DST: variants seen among roughly 807,000 people sequenced by gnomAD.
DST encodes the protein bullous pemphigoid antigen.
In DST, 253 loss-of-function variants were observed where a neutral mutation model predicts 875.2. The ratio of observed to expected loss-of-function variants is 0.29; its 90% CI spans 0.26 to 0.32. The LOEUF is 0.32. DST is among the 10% of genes least tolerant of loss of function. The pLI, the probability that DST is intolerant of heterozygous loss-of-function variation, is 1.00. For synonymous variants in DST, 3,124 were observed against 3,197.1 expected (o/e 0.98, Z 0.77); for missense variants, 8,287 against 9,111.6 (o/e 0.91, Z 3.68).
At chr6:56,668,078 G>A (rs1276330634) in intron 10 of DST, among the ~76,000 whole-genome samples, 3 of 152,172 alleles carry the variant, frequency 2.0e-5, no homozygotes, top group Middle Eastern at 3.4e-3. Context: ...TTTTGCTTCT[G>A]CCTAAAAAAC....
Position 56,703,742 on chromosome 6 carries a change from C to G in DST, c.782G>C (p.Arg261Thr), listed in dbSNP as rs1392342861. The G allele has an allele frequency of 1.0e-6, 1 of 983,154 alleles. No individual in the cohort carries two copies. Among genetic ancestry groups the G allele is most frequent in the South Asian group, 4.7e-5 (1 of 21,244 alleles). 60.9% of individuals were successfully genotyped at this position (983,154 alleles called of 1,614,324 possible). A position where few individuals can be genotyped will look rare whatever the true frequency, so the allele number is the denominator to read the frequency against. The change falls in exon 7 of 104, where the codon AGG becomes ACG. Residue 261 changes from arginine to threonine, a missense_variant. By Grantham distance (71) the Arg-to-Thr change is moderately conservative. This residue lies in a region of DST where 1,160 missense variants were observed against 1,424.3 expected (regional missense o/e 0.81). Transcript: ENST00000680361. ...LEVLSGDTLP[R>T]ERDFLKTLRL... Reference sequence around the variant, plus strand: ...TAAGGTCTTCAAAAAATCTCGCTCCCTTGGCTAATGAATATAACAGACAGA... The same window carrying G: ...TAAGGTCTTCAAAAAATCTCGCTCCGTTGGCTAATGAATATAACAGACAGA...
At chr6:56,470,781 A>AACACACACACACACACACAC (rs67009040) in intron 95 of DST, among the ~76,000 whole-genome samples, 1 of 141,450 alleles carries the variant, frequency 7.1e-6, no homozygotes, top group African/African-American at 2.6e-5. Context: ...TATGCCAGGC[A>AACACACACACACACACACAC]ACACACACAC....
intron 4 of DST, among the ~76,000 whole-genome samples, chr6:56,782,838 C>T (rs1282936730): frequency 6.6e-6 from 1 of 152,022 alleles, no homozygotes; most frequent in Non-Finnish European, 1.5e-5. Flanking sequence ...TTGGATCTTT[C>T]CTGCTTTCTC....
chr6:56,618,165 C>T, intron 36 of DST: 1 of 1,614,154 alleles, frequency 6.2e-7, no homozygotes. Flanking sequence ...GAAAAGTACT[C>T]AGAGTAACAC....
chr6:56,615,146 A>T, intron 36 of DST: 1 of 1,080,416 alleles, frequency 9.3e-7, no homozygotes. Flanking sequence ...GTGCTCTTTC[A>T]GCGAGTGCAA....
At chr6:56,700,552 TAA>T (rs1197610214) in intron 8 of DST, among the ~76,000 whole-genome samples, 2 of 152,200 alleles carry the variant, frequency 1.3e-5, no homozygotes, top group African/African-American at 2.4e-5. Context: ...CATAAATATA[TAA>T]GTCACTGGGC....
chr6:56,509,578 G>C (rs1255445810), intron 74 of DST, 64 bp downstream of exon 74: 6 of 1,254,676 alleles, frequency 4.8e-6, no homozygotes, highest in Non-Finnish European at 6.8e-6. Flanking sequence ...CAATTGGACG[G>C]TGAGTAAACC....
intron 55 of DST, among the ~76,000 whole-genome samples, chr6:56,565,331 C>T (rs183762337): frequency 1.3e-5 from 2 of 152,044 alleles, no homozygotes; most frequent in African/African-American, 4.8e-5. Flanking sequence ...GTGTTAACCA[C>T]GATGGTCTCA....
At chr6:56,672,089 A>T (rs1277539866) in intron 9 of DST, among the ~76,000 whole-genome samples, 1 of 152,218 alleles carries the variant, frequency 6.6e-6, no homozygotes, top group Non-Finnish European at 1.5e-5. Context: ...AACTCCAAAG[A>T]AAACCTGTTA....
intron 4 of DST, among the ~76,000 whole-genome samples, chr6:56,769,235 G>A (rs1453170533): frequency 6.6e-6 from 1 of 152,076 alleles, no homozygotes; most frequent in Non-Finnish European, 1.5e-5. Context: ...TTAAAACAAC[G>A]TGAGACACCA....
chr6:56,469,409 G>A (rs1329260830), intron 97 of DST, among the ~76,000 whole-genome samples: 1 of 151,512 alleles, frequency 6.6e-6, no homozygotes. Context: ...CTGTTTTGAA[G>A]AGAGTGAACC....
intron 5 of DST, among the ~76,000 whole-genome samples, chr6:56,728,794 T>G (rs2099482866): frequency 6.6e-6 from 1 of 152,000 alleles, no homozygotes; most frequent in African/African-American, 2.4e-5. Context: ...ATGTAAAAGA[T>G]CAACAAACAA....
At chr6:56,945,026 C>A (rs1162283202) in intron 2 of DST, among the ~76,000 whole-genome samples, 2 of 152,126 alleles carry the variant, frequency 1.3e-5, no homozygotes, top group East Asian at 1.9e-4. Flanking sequence ...CAAGATTATC[C>A]CAAATATACT....
At chr6:56,698,614 C>T (rs147002872) in intron 9 of DST, among the ~76,000 whole-genome samples, 6,892 of 152,252 alleles carry the variant, frequency 0.045, 230 homozygotes, top group Non-Finnish European at 0.066. Context: ...CGTGAGCCAC[C>T]GCGCCCAGCC....
chr6:56,791,690 T>G (rs546917971), intron 4 of DST, among the ~76,000 whole-genome samples: 18 of 149,770 alleles, frequency 1.2e-4, no homozygotes, highest in African/African-American at 4.2e-4. Flanking sequence ...GAGGCTGAGG[T>G]AGGAGGATCA....
chr6:56,916,739 TTCTC>T (rs1311090161), intron 2 of DST, among the ~76,000 whole-genome samples: 12 of 111,480 alleles, frequency 1.1e-4, no homozygotes, highest in African/African-American at 2.3e-4. Flanking sequence ...AGACAAGATC[TTCTC>T]TCTCTCTCTA....
chr6:56,910,408 G>C (rs186282595), intron 2 of DST, among the ~76,000 whole-genome samples: 76 of 152,196 alleles, frequency 5.0e-4, no homozygotes, highest in Middle Eastern at 3.4e-3. Flanking sequence ...CCTCCCACCT[G>C]AGCCTCCCAA....
chr6:56,931,450 T>A (rs996725166), intron 2 of DST, among the ~76,000 whole-genome samples: 6 of 152,146 alleles, frequency 3.9e-5, no homozygotes, highest in African/African-American at 1.4e-4. Context: ...AGCCCCCACA[T>A]AGAGTCCCTA....
At position 56,606,127 on chromosome 6, in the gene DST, T is replaced by C; in HGVS notation, c.8501A>G (p.Asp2834Gly). The C allele has an allele frequency of 6.2e-7, 1 of 1,612,822 alleles. No homozygotes were observed. The highest frequency in any genetic ancestry group is 8.5e-7 in the Non-Finnish European group (1 of 1,179,286). The change falls in exon 40 of 104, where the codon GAT (aspartate) becomes GGT (glycine). Residue 2834 changes from aspartate to glycine, a missense_variant. Coordinates refer to ENST00000680361, the MANE Select transcript of DST (RefSeq NM_001374736.1). ...AGAGGCACACAACTGGATATCCATA[T>C]CTTCAGCCACATTTTGGCACCTGGG... ...GKPRCQNVAE[D>G]MDIQLCASIL...
Sources: allele counts gnomAD v4.1 joint callset (sites outside exome capture counted in the v4.1 genomes callset), GRCh38; gene constraint gnomAD v4.1.1; regional missense constraint gnomAD v4.1.1; transcripts MANE v1.5; gene names NCBI Gene and HGNC (gene_info 2026-07-23, HGNC 2026-07-21).